The following SORBS2 variants were observed in gnomAD, a reference collection of about 807,000 sequenced individuals.
SORBS2 encodes the protein sorbin and SH3 domain containing 2.
A neutral mutation model predicts 97.7 loss-of-function variants in SORBS2; 46 were observed. The ratio of observed to expected loss-of-function variants is 0.47; its 90% CI spans 0.37 to 0.60. The LOEUF is 0.60. Among genes scored for constraint, SORBS2 ranks in the 20% least tolerant of loss-of-function variants. The probability of loss-of-function intolerance (pLI) is 0.00; values close to 1 mark genes in which losing one functional copy is unlikely to be tolerated. For missense variants in SORBS2, 1,316 were observed against 1,282.3 expected, an observed-to-expected ratio of 1.03 and a Z score of -0.40; for synonymous variants, 476 against 473.4, an observed-to-expected ratio of 1.01 and a Z score of -0.07.
chr4:185,835,852 C>T (rs2099207785), intron 1 of SORBS2, among the ~76,000 whole-genome samples: 1 of 151,946 alleles, frequency 6.6e-6, no homozygotes, highest in African/African-American at 2.4e-5. Flanking sequence ...TCAACCCGGC[C>T]TGTTTCCCTG....
intron 2 of SORBS2, among the ~76,000 whole-genome samples, chr4:185,688,848 C>T (rs575816900): frequency 7.1e-6 from 1 of 140,770 alleles, no homozygotes; most frequent in African/African-American, 2.5e-5. Context: ...CACTTTTGAT[C>T]AATTTTATGC....
At chr4:185,842,871 G>T (rs1347663158) in intron 1 of SORBS2, among the ~76,000 whole-genome samples, 1 of 150,250 alleles carries the variant, frequency 6.7e-6, no homozygotes, top group Non-Finnish European at 1.5e-5. Flanking sequence ...GGAGGCGGAG[G>T]TTGCAGTGAG....
At chr4:185,598,838 T>C (rs6823956) in intron 12 of SORBS2, among the ~76,000 whole-genome samples, 25,948 of 151,884 alleles carry the variant, frequency 0.17, 3,764 homozygotes, top group African/African-American at 0.39. Context: ...CAAACACACG[T>C]GTAATCTGAC....
chr4:185,690,835 G>A (rs1425901705), intron 2 of SORBS2, among the ~76,000 whole-genome samples: 1 of 151,946 alleles, frequency 6.6e-6, no homozygotes, highest in East Asian at 1.9e-4. Context: ...CTGTTTTTAT[G>A]CTTTTGTTTA....
At chr4:185,680,774 C>A (rs1199699558) in intron 2 of SORBS2, among the ~76,000 whole-genome samples, 2 of 152,022 alleles carry the variant, frequency 1.3e-5, no homozygotes, top group Non-Finnish European at 2.9e-5. Context: ...CTGGGCGGGT[C>A]TGAAGGACAC....
At chr4:185,593,623 C>T (rs922221487) in intron 13 of SORBS2, 2 of 434,510 alleles carry the variant, frequency 4.6e-6, no homozygotes, top group Non-Finnish European at 4.1e-6. Context: ...CAGAGTTATC[C>T]ATCTTAGGAA....
intron 2 of SORBS2, 30 bp downstream of exon 4, chr4:185,690,531 TA>T: frequency 1.4e-6 from 2 of 1,470,808 alleles, no homozygotes; most frequent in Non-Finnish European, 1.8e-6. Flanking sequence ...AGAGCAAGGC[TA>T]AAAGAGTTTA....
At chr4:185,697,251 A>C (rs778903316) in intron 2 of SORBS2, among the ~76,000 whole-genome samples, 6 of 152,224 alleles carry the variant, frequency 3.9e-5, no homozygotes, top group Non-Finnish European at 7.3e-5. Context: ...TTGAGTCTTA[A>C]GAAGATAATC....
intron 1 of SORBS2, among the ~76,000 whole-genome samples, chr4:185,945,980 C>T (rs1296967798): frequency 6.6e-6 from 1 of 152,214 alleles, no homozygotes; most frequent in African/African-American, 2.4e-5. Flanking sequence ...CGCATGTTGA[C>T]AGATGGTCAA....
rs954134431 is a variant in SORBS2 at position 185,652,964 on chromosome 4, T to C, written c.25-236A>G. Among the ~76,000 whole-genome samples, 5 of 152,230 alleles carry C rather than the reference T, an allele frequency of 3.3e-5. No homozygotes were observed. The South Asian group carries it at 1.0e-3, about 31-fold the overall frequency. Reference sequence around the variant, plus strand: ...GGCTGAGTTGGAACATTAGATGCTATGGTTTTATTTTTTCAAGTTATAGCT... The same window carrying C: ...GGCTGAGTTGGAACATTAGATGCTACGGTTTTATTTTTTCAAGTTATAGCT... On this transcript the variant is annotated intron_variant, in intron 1 of 14. Coordinates refer to ENST00000418609, the Ensembl canonical transcript of SORBS2.
chr4:185,905,028 T>C (rs7698883), intron 1 of SORBS2, among the ~76,000 whole-genome samples: 112,284 of 151,746 alleles, frequency 0.74, 41,615 homozygotes, highest in Middle Eastern at 0.85. Context: ...CGCTTGAACC[T>C]GGGAGGCAGA....
At chr4:185,818,339 G>A (rs1167231047) in intron 1 of SORBS2, among the ~76,000 whole-genome samples, 3 of 152,036 alleles carry the variant, frequency 2.0e-5, no homozygotes, top group East Asian at 2.0e-4. Context: ...ACAGGTGTCC[G>A]CCACCACACC....
At chr4:185,810,510 G>A (rs6837795) in intron 1 of SORBS2, among the ~76,000 whole-genome samples, 143,532 of 152,314 alleles carry the variant, frequency 0.94, 68,067 homozygotes, top group Non-Finnish European at 0.99. Context: ...TAGGGGTTTT[G>A]TTCAAAGTTT....
chr4:185,853,474 G>A lies in SORBS2; in HGVS notation c.-337-78108C>T, dbSNP rs1013566589. Among the ~76,000 whole-genome samples, 16 of 152,170 alleles carry A rather than the reference G, an allele frequency of 1.1e-4. No individual in the cohort carries two copies. In the South Asian group the frequency reaches 2.1e-3, roughly 20 times the overall value. Reference sequence around the variant, plus strand: ...ATGTACTTGGGATAGCTATTCACACGGGGGCCAATTAGGGCAGCTGGATAA... The same window carrying A: ...ATGTACTTGGGATAGCTATTCACACAGGGGCCAATTAGGGCAGCTGGATAA... On this transcript the variant is annotated intron_variant, in intron 1 of 20. Transcript: ENST00000284776.
rs79017979 is a variant in SORBS2, at chr4:185,784,894, G to A, written c.-337-9528C>T. Among the ~76,000 whole-genome samples the A allele has an allele frequency of 1.2e-3, 184 of 152,232 alleles. 2 individuals are homozygous for A. Among genetic ancestry groups the A allele is most frequent in the South Asian group, 0.012 (56 of 4,822 alleles). On this transcript the variant is annotated intron_variant, in intron 1 of 20. Coordinates refer to the SORBS2 transcript ENST00000284776. ...AATGAGCCGACATGCCTAACGCCCCGGGAGCTGCATCATTTGAATATTTTT... is the reference window on the plus strand; with the variant it reads ...AATGAGCCGACATGCCTAACGCCCCAGGAGCTGCATCATTTGAATATTTTT...
At chr4:185,941,931 T>C (rs757341672) in intron 1 of SORBS2, among the ~76,000 whole-genome samples, 3 of 151,960 alleles carry the variant, frequency 2.0e-5, no homozygotes. Context: ...GCCTGGCCAA[T>C]GTGGTGAAAC....
intron 6 of SORBS2, among the ~76,000 whole-genome samples, chr4:185,625,390 C>A (rs2096793578): frequency 6.6e-6 from 1 of 151,488 alleles, no homozygotes; most frequent in Admixed American, 6.6e-5. Context: ...CAAATTATAT[C>A]TAATAGGACA....
chr4:185,622,030 A>G (rs900444884), intron 7 of SORBS2, among the ~76,000 whole-genome samples: 5 of 152,226 alleles, frequency 3.3e-5, no homozygotes, highest in African/African-American at 4.8e-5. Flanking sequence ...CTTAAAATTT[A>G]CGTAGTGAAC....
chr4:185,923,352 G>C (rs193066366), intron 1 of SORBS2, among the ~76,000 whole-genome samples: 1 of 152,106 alleles, frequency 6.6e-6, no homozygotes, highest in Non-Finnish European at 1.5e-5. Flanking sequence ...ACCCAGGCTG[G>C]AGTGCAGTGG....
Sources: allele counts gnomAD v4.1 joint callset (sites outside exome capture counted in the v4.1 genomes callset), GRCh38; gene constraint gnomAD v4.1.1; transcripts MANE v1.5; gene names NCBI Gene and HGNC (gene_info 2026-07-23, HGNC 2026-07-21).